Variants in PITPNC1 observed in about 807,000 individuals in gnomAD.
The protein encoded by PITPNC1 is cytoplasmic phosphatidylinositol transfer protein 1.
A neutral mutation model predicts 44.7 loss-of-function variants in PITPNC1; 18 were observed. That is an observed-to-expected ratio of 0.40 (90% CI 0.28 to 0.60). PITPNC1 has a LOEUF of 0.60. Ranked by LOEUF, PITPNC1 falls within the 20% of genes least tolerant of loss-of-function variation. The pLI, the probability that PITPNC1 is intolerant of heterozygous loss-of-function variation, is 0.39. For synonymous variants in PITPNC1, 141 were observed against 149.6 expected (o/e 0.94, Z 0.42); for missense variants, 290 against 418.4 (o/e 0.69, Z 2.68).
intron 1 of PITPNC1, among the ~76,000 whole-genome samples, chr17:67,495,040 GTTTTTTTTTT>G (rs879366971): frequency 4.6e-5 from 3 of 64,722 alleles, no homozygotes; most frequent in Admixed American, 4.5e-4. Flanking sequence ...CCATGGAGTT[GTTTTTTTTTT>G]TGTTTTTTTT....
chr17:67,475,490 A>G (rs994292413), intron 1 of PITPNC1, among the ~76,000 whole-genome samples: 9 of 152,104 alleles, frequency 5.9e-5, no homozygotes, highest in Non-Finnish European at 1.2e-4. Flanking sequence ...TACGTTTTTA[A>G]CAAGACACTG....
chr17:67,538,548 C>G (rs2040561463), intron 2 of PITPNC1, among the ~76,000 whole-genome samples: 1 of 152,110 alleles, frequency 6.6e-6, no homozygotes, highest in Non-Finnish European at 1.5e-5. Flanking sequence ...TGCAATGAGC[C>G]AAGATCGTGC....
intron 1 of PITPNC1, among the ~76,000 whole-genome samples, chr17:67,417,278 C>G (rs1035519260): frequency 6.6e-6 from 1 of 151,964 alleles, no homozygotes; most frequent in African/African-American, 2.4e-5. Context: ...CAGGGACATG[C>G]CACCATGCTT....
At chr17:67,406,346 T>C (rs2038401058) in intron 1 of PITPNC1, among the ~76,000 whole-genome samples, 1 of 152,114 alleles carries the variant, frequency 6.6e-6, no homozygotes, top group South Asian at 2.1e-4. Context: ...AGAAACCTCG[T>C]ATCCATTGGC....
In PITPNC1 at chr17:67,462,903, T is replaced by G. The variant is rs6504509; in HGVS notation, c.49-69899T>G. On this transcript the variant is annotated intron_variant, in intron 1 of 8. Transcript: ENST00000581322. ...TTTTAGTAGAGGCGGGGTTTCTGCA[T>G]GTTGGTTAGGTTGGTCTCGAACTCC... Among the ~76,000 whole-genome samples the G allele has an allele frequency of 1.1e-3, 164 of 152,016 alleles. 4 individuals carry two copies. Among genetic ancestry groups the G allele is most frequent in the South Asian group, 2.1e-4 (1 of 4,824 alleles).
intron 4 of PITPNC1, among the ~76,000 whole-genome samples, chr17:67,573,420 A>T (rs12940020): frequency 0.027 from 4,054 of 152,006 alleles, 86 homozygotes; most frequent in Middle Eastern, 0.044. Context: ...CTCAGGATGG[A>T]GGAGTTGCTC....
In PITPNC1 at chr17:67,421,073, T is replaced by C. The variant is rs537574189; in HGVS notation, c.48+42871T>C. ...GAAGGGAAGATGACATTTCAGGAGATCTCTGCGCATTCCACCCTGGCTTCC... is the reference window on the plus strand; with the variant it reads ...GAAGGGAAGATGACATTTCAGGAGACCTCTGCGCATTCCACCCTGGCTTCC... On this transcript the variant is annotated intron_variant, in intron 1 of 8. Transcript: ENST00000581322. 3.3e-5 allele frequency among the ~76,000 whole-genome samples: 5 copies of C among 152,154 alleles called. No homozygotes were observed. In the South Asian group the frequency reaches 1.0e-3, roughly 32 times the overall value.
At chr17:67,625,417 C>T (rs2041883856) in intron 5 of PITPNC1, among the ~76,000 whole-genome samples, 1 of 152,188 alleles carries the variant, frequency 6.6e-6, no homozygotes, top group Non-Finnish European at 1.5e-5. Flanking sequence ...TCCTCCACCT[C>T]CAAGAGCCGG....
At chr17:67,690,900 C>G (rs985719403) in intron 8 of PITPNC1, among the ~76,000 whole-genome samples, 1 of 151,924 alleles carries the variant, frequency 6.6e-6, no homozygotes, top group African/African-American at 2.4e-5. Context: ...GTTAGGAGTT[C>G]GAGACCAGCC....
chr17:67,548,702 C>T (rs2144158497), intron 2 of PITPNC1, among the ~76,000 whole-genome samples: 1 of 152,216 alleles, frequency 6.6e-6, no homozygotes, highest in South Asian at 2.1e-4. Flanking sequence ...TCATTTTGCC[C>T]CTCTTTTTCC....
chr17:67,569,425 C>A (rs1304281351), intron 4 of PITPNC1, among the ~76,000 whole-genome samples: 1 of 152,180 alleles, frequency 6.6e-6, no homozygotes, highest in South Asian at 2.1e-4. Context: ...TCTTTCCTGG[C>A]GTTCTTCTTC....
At chr17:67,458,614 A>G (rs2039289161) in intron 1 of PITPNC1, among the ~76,000 whole-genome samples, 1 of 152,118 alleles carries the variant, frequency 6.6e-6, no homozygotes, top group Non-Finnish European at 1.5e-5. Context: ...GCACACTTAC[A>G]TTGTACTCCC....
intron 5 of PITPNC1, among the ~76,000 whole-genome samples, chr17:67,591,347 T>C (rs2041389262): frequency 6.6e-6 from 1 of 152,162 alleles, no homozygotes; most frequent in Admixed American, 6.5e-5. Flanking sequence ...GAACCTAAAC[T>C]GGAGAAAAAG....
At chr17:67,534,224 G>A (rs148736001) in intron 2 of PITPNC1, among the ~76,000 whole-genome samples, 140 of 152,182 alleles carry the variant, frequency 9.2e-4, no homozygotes, top group African/African-American at 3.3e-3. Flanking sequence ...TATGAATGGC[G>A]TAATGGATTA....
chr17:67,577,256 A>AC (rs2041161886), intron 4 of PITPNC1, among the ~76,000 whole-genome samples: 1 of 151,996 alleles, frequency 6.6e-6, no homozygotes, highest in South Asian at 2.1e-4. Flanking sequence ...GCACCACTGC[A>AC]CCCCAGCCTG....
At chr17:67,552,449 G>T in intron 3 of PITPNC1, 104 bp downstream of exon 3, 1 of 718,736 alleles carries the variant, frequency 1.4e-6, no homozygotes, top group Non-Finnish European at 2.5e-6. Context: ...GGCCTTGTGG[G>T]AGCCCCGTAG....
At position 67,578,209 on chromosome 17, in the gene PITPNC1, C is replaced by T; in HGVS notation, c.318C>T (p.Ser106=). The T allele has an allele frequency of 2.5e-6, 4 of 1,612,468 alleles. No individual in the cohort carries two copies. Among genetic ancestry groups the T allele is most frequent in the Non-Finnish European group, 2.5e-6 (3 of 1,178,674 alleles). Residue 106 remains serine, a synonymous_variant, in exon 5 of 9, where the codon TCC becomes TCT. Coordinates refer to ENST00000581322, the MANE Select transcript of PITPNC1 (RefSeq NM_012417.4). ...EYTCSFLPKF[S]IHIETKYEDN... is the part of the protein sequence containing the mutation. ...AGTGTTCCTTTCTGCCGAAATTCTCCATTCATATAGAAACCAAGTATGAGG... is the reference window on the plus strand; with the variant it reads ...AGTGTTCCTTTCTGCCGAAATTCTCTATTCATATAGAAACCAAGTATGAGG...
intron 1 of PITPNC1, among the ~76,000 whole-genome samples, chr17:67,515,893 C>A (rs967375716): frequency 6.6e-6 from 1 of 152,192 alleles, no homozygotes; most frequent in Admixed American, 6.5e-5. Context: ...TCTCTCCCAC[C>A]CACGCATTTT....
At chr17:67,544,207 G>A (rs1237533337) in intron 2 of PITPNC1, among the ~76,000 whole-genome samples, 4 of 152,148 alleles carry the variant, frequency 2.6e-5, no homozygotes, top group Non-Finnish European at 4.4e-5. Flanking sequence ...GCCTTGACAC[G>A]TCTTCAAAAA....
Sources: gnomAD v4.1 joint callset for allele counts (sites outside exome capture counted in the v4.1 genomes callset) on GRCh38, gnomAD v4.1.1 for gene constraint, MANE v1.5 for transcripts, NCBI Gene and HGNC (gene_info 2026-07-23, HGNC 2026-07-21) for gene names.